Variants in FANCC observed in about 807,000 individuals in gnomAD.
The protein encoded by FANCC is Fanconi anemia group C protein.
A neutral mutation model predicts 71.3 loss-of-function variants in FANCC; 55 were observed. The observed-to-expected ratio is 0.77, with a 90% CI of 0.62 to 0.97. The LOEUF is 0.97. Ranked by LOEUF, FANCC falls within the 50% of genes least tolerant of loss-of-function variation. FANCC has a pLI of 0.00. For synonymous variants in FANCC, 275 were observed against 244.9 expected, an observed-to-expected ratio of 1.12 and a Z score of -1.15; for missense variants, 678 against 670.9, an observed-to-expected ratio of 1.01 and a Z score of -0.12.
intron 4 of FANCC, among the ~76,000 whole-genome samples, chr9:95,196,675 G>A (rs976580520): frequency 9.2e-5 from 14 of 152,168 alleles, no homozygotes; most frequent in Admixed American, 7.2e-4. Context: ...CAGGGTCAGT[G>A]ACTGAGATGA....
intron 4 of FANCC, among the ~76,000 whole-genome samples, chr9:95,189,614 G>A (rs770024738): frequency 2.0e-5 from 3 of 152,116 alleles, no homozygotes; most frequent in Admixed American, 6.5e-5. Flanking sequence ...GCATTAAACC[G>A]TATCTATAAG....
Position 95,297,963 on chromosome 9 carries a change from G to A in FANCC, c.-79+19563C>T, listed in dbSNP as rs141709780. Among the ~76,000 whole-genome samples, 2,023 of 152,278 alleles carry A rather than the reference G, an allele frequency of 0.013. 24 individuals carry two copies. The highest frequency in any genetic ancestry group is 0.018 in the Non-Finnish European group (1,254 of 68,026). On this transcript the variant is annotated intron_variant, in intron 1 of 14. Transcript: ENST00000289081. Reference sequence around the variant, plus strand: ...TTTACAAAACAGAGTAAGGACTCTGGACTTTATTCTAAGAGCAAAGGTAAG... The same window carrying A: ...TTTACAAAACAGAGTAAGGACTCTGAACTTTATTCTAAGAGCAAAGGTAAG...
intron 4 of FANCC, among the ~76,000 whole-genome samples, chr9:95,179,990 A>C (rs1208131058): frequency 6.6e-6 from 1 of 152,274 alleles, no homozygotes; most frequent in African/African-American, 2.4e-5. Context: ...GGATGTCAGA[A>C]GCATGAACAA....
At position 95,161,845 on chromosome 9, in the gene FANCC, T is replaced by TTC. The variant is rs201690467; in HGVS notation, c.521+9233_521+9234insGA. Among the ~76,000 whole-genome samples, 1,426 of 143,040 alleles carry TTC rather than the reference T, an allele frequency of 1.0e-2. 23 individuals are homozygous for TTC. The highest frequency in any genetic ancestry group is 0.037 in the African/African-American group (1,380 of 37,158). The allele number at this position is 143,040 out of a possible 152,430, so 93.8% of individuals were successfully genotyped here. ...TACTTTCTGCTTCTTTTCTTTTCTT[T>TTC]TTTTTTTTTTTTTTGAGACATAATC... On this transcript the variant is annotated intron_variant, in intron 6 of 14. Coordinates refer to ENST00000289081, the MANE Select transcript of FANCC (RefSeq NM_000136.3).
intron 6 of FANCC, among the ~76,000 whole-genome samples, chr9:95,156,340 G>A (rs959730653): frequency 6.6e-6 from 1 of 152,194 alleles, no homozygotes; most frequent in African/African-American, 2.4e-5. Flanking sequence ...CTAAGAATAT[G>A]AGATGCCTGT....
At chr9:95,187,286 G>A (rs1047353965) in intron 4 of FANCC, among the ~76,000 whole-genome samples, 10 of 152,140 alleles carry the variant, frequency 6.6e-5, no homozygotes, top group Admixed American at 5.2e-4. Flanking sequence ...TGAGAGCTGC[G>A]TAACCCCAGT....
At chr9:95,295,396 G>A (rs1412806897) in intron 1 of FANCC, among the ~76,000 whole-genome samples, 1 of 151,676 alleles carries the variant, frequency 6.6e-6, no homozygotes, top group African/African-American at 2.4e-5. Flanking sequence ...ACAAAACAAA[G>A]CAAAACAAAA....
intron 13 of FANCC, chr9:95,110,881 T>C (rs2071861384): frequency 8.1e-7 from 1 of 1,233,300 alleles, no homozygotes; most frequent in Non-Finnish European, 1.0e-6. Context: ...CAGACAGTTA[T>C]CCAGTCCCAT....
intron 4 of FANCC, among the ~76,000 whole-genome samples, chr9:95,209,918 T>C (rs904307393): frequency 3.9e-5 from 6 of 152,164 alleles, no homozygotes; most frequent in Admixed American, 6.5e-5. Flanking sequence ...AGAGAAACTC[T>C]TGCACATGTA....
Position 95,149,918 on chromosome 9 carries a change from C to T in FANCC, c.686+5G>A, listed in dbSNP as rs1064794691. 1.9e-6 allele frequency: 3 copies of T among 1,594,176 alleles called. No homozygotes were observed. Reference sequence around the variant, plus strand: ...GCAGGATGACAGGAAACATTTGCCACTTACAGCAAAATGGCCTCGTTTACA... The same window carrying T: ...GCAGGATGACAGGAAACATTTGCCATTTACAGCAAAATGGCCTCGTTTACA... On this transcript the variant is annotated splice_donor_5th_base_variant and intron_variant, in intron 7 of 14. Transcript: ENST00000289081.
At chr9:95,205,329 T>G (rs1214408868) in intron 4 of FANCC, among the ~76,000 whole-genome samples, 1 of 152,172 alleles carries the variant, frequency 6.6e-6, no homozygotes, top group Non-Finnish European at 1.5e-5. Context: ...GTTCTTTTAC[T>G]CAATTATGTG....
chr9:95,203,178 C>A (rs2135816918), intron 4 of FANCC, among the ~76,000 whole-genome samples: 1 of 152,148 alleles, frequency 6.6e-6, no homozygotes, highest in East Asian at 1.9e-4. Context: ...GGGCAGATCA[C>A]TTGAGCTCAG....
rs1304078154 is a variant in FANCC at position 95,249,367 on chromosome 9, A to C, written c.-76T>G. Reference sequence around the variant, plus strand: ...TGAAGGAAATGGTCGGCACACATTAAATCTGTAAGAAAGGGAACAAATAGA... The same window carrying C: ...TGAAGGAAATGGTCGGCACACATTACATCTGTAAGAAAGGGAACAAATAGA... On this transcript the variant is annotated splice_region_variant and 5_prime_UTR_variant, in exon 2 of 15. It adds an upstream start codon to the 5' untranslated region. Coordinates refer to ENST00000289081, the MANE Select transcript of FANCC (RefSeq NM_000136.3). 4 of 1,427,102 alleles carry C rather than the reference A, an allele frequency of 2.8e-6. No individual in the cohort carries two copies. Among genetic ancestry groups the C allele is most frequent in the Non-Finnish European group, 3.9e-6 (4 of 1,017,198 alleles). The allele number at this position is 1,427,102 out of a possible 1,614,324, so 88.4% of individuals were successfully genotyped here.
At chr9:95,160,518 T>C (rs981526172) in intron 6 of FANCC, among the ~76,000 whole-genome samples, 15 of 152,228 alleles carry the variant, frequency 9.9e-5, no homozygotes, top group Non-Finnish European at 5.9e-5. Context: ...TGGGCTCTTT[T>C]TTGGTTCCAC....
chr9:95,105,619 C>T (rs141740894), intron 14 of FANCC, among the ~76,000 whole-genome samples: 80 of 152,302 alleles, frequency 5.3e-4, no homozygotes, highest in African/African-American at 1.9e-3. Context: ...TGGCCGTCTC[C>T]TGCCCCTTTC....
chr9:95,138,199 T>C (rs1010569367), intron 7 of FANCC, among the ~76,000 whole-genome samples: 2 of 152,190 alleles, frequency 1.3e-5, no homozygotes, highest in African/African-American at 4.8e-5. Context: ...CTGGTAACAC[T>C]TGAAGCCAGG....
intron 1 of FANCC, among the ~76,000 whole-genome samples, chr9:95,290,347 C>G (rs919466059): frequency 6.6e-6 from 1 of 152,154 alleles, no homozygotes; most frequent in South Asian, 2.1e-4. Flanking sequence ...GAGGATCTTC[C>G]AAGTATAACC....
intron 1 of FANCC, among the ~76,000 whole-genome samples, chr9:95,249,781 T>C (rs542659270): frequency 6.6e-6 from 1 of 152,340 alleles, no homozygotes; most frequent in Non-Finnish European, 1.5e-5. Flanking sequence ...GTTTTTGAAG[T>C]TCTTATGTTT....
At chr9:95,142,564 C>CT (rs1357018174) in intron 7 of FANCC, 1 of 152,194 alleles carries the variant, frequency 6.6e-6, no homozygotes, top group Non-Finnish European at 1.5e-5. Context: ...GGGGTATTTA[C>CT]TGTGGATACG....
Sources: gnomAD v4.1 joint callset for allele counts (sites outside exome capture counted in the v4.1 genomes callset) on GRCh38, gnomAD v4.1.1 for gene constraint, MANE v1.5 for transcripts, NCBI Gene and HGNC (gene_info 2026-07-23, HGNC 2026-07-21) for gene names.